The following UGT1A9 variants were observed in gnomAD, a reference collection of about 807,000 sequenced individuals.
The protein encoded by UGT1A9 is UDP glucuronosyltransferase family 1 member A9.
A neutral mutation model predicts 45.0 loss-of-function variants in UGT1A9; 35 were observed. That is an observed-to-expected ratio of 0.78 (90% CI 0.59 to 1.03). The LOEUF (loss-of-function observed/expected upper bound fraction) is 1.03, where lower values mean the gene tolerates loss of function less well. Ranked by LOEUF, UGT1A9 falls within the 50% of genes least tolerant of loss-of-function variation. UGT1A9 has a pLI of 0.00. For synonymous variants in UGT1A9, 278 were observed against 250.6 expected, an observed-to-expected ratio of 1.11 and a Z score of -1.03; for missense variants, 687 against 666.6, an observed-to-expected ratio of 1.03 and a Z score of -0.34.
chr2:233,766,981 G>C lies in UGT1A9; in HGVS notation c.856-53G>C, dbSNP rs1699300845. On this transcript the variant is annotated intron_variant, in intron 1 of 4. Coordinates refer to ENST00000354728, the MANE Select transcript of UGT1A9 (RefSeq NM_021027.3). Reference sequence around the variant, plus strand: ...TCTAATTCATAACTTACTGTATGTAGTCATCAAAGAATATGAGAAAAAATT... The same window carrying C: ...TCTAATTCATAACTTACTGTATGTACTCATCAAAGAATATGAGAAAAAATT... 1.9e-6 allele frequency: 3 copies of C among 1,612,648 alleles called. No individual in the cohort carries two copies. In the East Asian group the frequency reaches 6.7e-5, roughly 36 times the overall value.
At chr2:233,760,286 C>T in intron 1 of UGT1A9, 1 of 1,613,058 alleles carries the variant, frequency 6.2e-7, no homozygotes, top group Non-Finnish European at 8.5e-7. Flanking sequence ...AGCAAAGGCG[C>T]CATGGCTGTG....
At chr2:233,728,227 T>C (rs576517888) in intron 1 of UGT1A9, among the ~76,000 whole-genome samples, 6 of 152,272 alleles carry the variant, frequency 3.9e-5, no homozygotes, top group African/African-American at 1.4e-4. Flanking sequence ...ACCATAATCT[T>C]CAGGATGAAA....
chr2:233,738,320 T>C (rs1202605644), intron 1 of UGT1A9, among the ~76,000 whole-genome samples: 5 of 152,210 alleles, frequency 3.3e-5, no homozygotes, highest in Admixed American at 3.3e-4. Context: ...AGTGTGTGAA[T>C]GGACTAATAC....
intron 1 of UGT1A9, chr2:233,717,728 T>C (rs1450315023): frequency 2.2e-6 from 1 of 456,056 alleles, no homozygotes; most frequent in Non-Finnish European, 4.4e-6. Flanking sequence ...CATGAGACCA[T>C]TGTGAGTGCT....
In UGT1A9 at chr2:233,672,323, A is replaced by G. The variant is rs1230942420; in HGVS notation, c.389A>G (p.Asp130Gly). 1 of 1,614,100 alleles carries G rather than the reference A, an allele frequency of 6.2e-7. No homozygotes were observed. Among genetic ancestry groups the G allele is most frequent in the Non-Finnish European group, 8.5e-7 (1 of 1,179,998 alleles). The stretch of plus-strand genomic sequence containing the variant: ...TCAAATTGCAGGAGTTTGTTTAAAG[A>G]CAAAAAATTAGTAGAATACTTAAAG... ...FFSNCRSLFK[D>G]KKLVEYLKES... Residue 130 changes from aspartate (D) to glycine (G), a missense_variant, in exon 1 of 5, where the codon GAC becomes GGC. Asp to Gly is a moderately conservative substitution (Grantham distance 94). Transcript: ENST00000354728.
At chr2:233,725,486 A>G (rs1390783883) in intron 1 of UGT1A9, among the ~76,000 whole-genome samples, 10 of 152,080 alleles carry the variant, frequency 6.6e-5, no homozygotes, top group Non-Finnish European at 1.0e-4. Context: ...GAAACCAGCA[A>G]AAAGAAACCA....
At chr2:233,714,373 T>G (rs899133661) in intron 1 of UGT1A9, among the ~76,000 whole-genome samples, 1 of 152,172 alleles carries the variant, frequency 6.6e-6, no homozygotes, top group Admixed American at 6.5e-5. Flanking sequence ...TTGACTCAGT[T>G]CAGTGGAATT....
intron 1 of UGT1A9, chr2:233,754,871 T>A: frequency 1.5e-6 from 2 of 1,352,992 alleles, no homozygotes; most frequent in African/African-American, 1.5e-5. Context: ...ACCCTCTGCT[T>A]CTGCTTCCCA....
At chr2:233,756,223 T>G (rs1194154122) in intron 1 of UGT1A9, 1 of 152,204 alleles carries the variant, frequency 6.6e-6, no homozygotes, top group Non-Finnish European at 1.5e-5. Context: ...AAGGGATTAG[T>G]TTAGGACAAC....
rs72551343 is a variant in UGT1A9, at chr2:233,760,912, C to T, written c.856-6122C>T. 1.4e-5 allele frequency: 23 copies of T among 1,614,070 alleles called. 1 individual carries two copies. In the South Asian group the frequency reaches 1.5e-4, roughly 11 times the overall value. On this transcript the variant is annotated intron_variant, in intron 1 of 4. Transcript: ENST00000354728. ...TTCAGATCACATGACCTTCCTGCAGCGGGTGAAGAACATGCTCATTGCCTT... is the reference window on the plus strand; with the variant it reads ...TTCAGATCACATGACCTTCCTGCAGTGGGTGAAGAACATGCTCATTGCCTT...
chr2:233,743,781 A>C (rs757688108), intron 1 of UGT1A9: 2 of 1,366,938 alleles, frequency 1.5e-6, no homozygotes, highest in Non-Finnish European at 2.0e-6. Flanking sequence ...ACCTGCTTGA[A>C]TCTCCTCTCC....
intron 1 of UGT1A9, chr2:233,713,824 G>A (rs2076349640): frequency 1.2e-5 from 19 of 1,614,054 alleles, no homozygotes; most frequent in Non-Finnish European, 1.5e-5. Flanking sequence ...TTCATTGGGG[G>A]CATCAACTGT....
intron 1 of UGT1A9, chr2:233,721,910 T>G: frequency 2.3e-6 from 1 of 439,350 alleles, no homozygotes; most frequent in Admixed American, 2.5e-5. Context: ...TGGTGCACAC[T>G]GCTTCCATAA....
In UGT1A9 at chr2:233,740,798, C is replaced by T. The variant is rs557461962; in HGVS notation, c.856-26236C>T. On this transcript the variant is annotated intron_variant, in intron 1 of 4. Transcript: ENST00000354728. ...AAAAGATGAATACCCACATAACAGGCTCTAGCACTGTTCTGTTTTTGAGCT... is the reference window on the plus strand; with the variant it reads ...AAAAGATGAATACCCACATAACAGGTTCTAGCACTGTTCTGTTTTTGAGCT... The T allele has an allele frequency of 3.9e-5, 6 of 151,946 alleles. No individual in the cohort carries two copies. The East Asian group carries it at 1.2e-3, about 29-fold the overall frequency. The allele number at this position is 151,946 out of a possible 1,614,324, so 9.4% of individuals were successfully genotyped here.
chr2:233,725,060 G>T (rs969335161), intron 1 of UGT1A9, among the ~76,000 whole-genome samples: 5 of 147,180 alleles, frequency 3.4e-5, no homozygotes, highest in African/African-American at 1.0e-4. Flanking sequence ...GGCGGCGCGC[G>T]CCTGCAATCG....
At chr2:233,738,244 T>C (rs1690738157) in intron 1 of UGT1A9, among the ~76,000 whole-genome samples, 1 of 152,224 alleles carries the variant, frequency 6.6e-6, no homozygotes, top group Non-Finnish European at 1.5e-5. Context: ...TCCAGCCACA[T>C]GGAACTGGAG....
intron 1 of UGT1A9, among the ~76,000 whole-genome samples, chr2:233,723,275 T>C (rs4663332): frequency 0.33 from 30,050 of 91,182 alleles, 6,430 homozygotes; most frequent in African/African-American, 0.61. Context: ...AATGGCACGA[T>C]GTTGGCTCAC....
intron 1 of UGT1A9, among the ~76,000 whole-genome samples, chr2:233,704,144 G>T (rs2075769955): frequency 6.6e-6 from 1 of 151,886 alleles, no homozygotes; most frequent in Admixed American, 6.6e-5. Context: ...ACCCGCCTCA[G>T]CCTTTCAAAG....
intron 1 of UGT1A9, among the ~76,000 whole-genome samples, chr2:233,708,088 A>G (rs940204280): frequency 1.3e-5 from 2 of 152,196 alleles, no homozygotes; most frequent in African/African-American, 4.8e-5. Context: ...CTTTTATTCA[A>G]ACGAATTAGA....
Sources: allele counts gnomAD v4.1 joint callset (sites outside exome capture counted in the v4.1 genomes callset), GRCh38; gene constraint gnomAD v4.1.1; transcripts MANE v1.5; gene names NCBI Gene and HGNC (gene_info 2026-07-23, HGNC 2026-07-21).